Variants in GRM3 observed in about 807,000 individuals in gnomAD.
The protein encoded by GRM3 is glutamate metabotropic receptor 3.
Under a neutral mutation model 70.5 loss-of-function variants are expected in GRM3, and 26 were observed. That is an observed-to-expected ratio of 0.37 (90% CI 0.27 to 0.51). The LOEUF (loss-of-function observed/expected upper bound fraction) is 0.51. GRM3 is among the 20% of genes least tolerant of loss of function. The pLI is 0.93. For synonymous variants in GRM3, 443 were observed against 434.9 expected (o/e 1.02, Z -0.23); for missense variants, 859 against 1,123.8 (o/e 0.76, Z 3.37).
At chr7:86,661,570 G>A (rs113168586) in intron 1 of GRM3, among the ~76,000 whole-genome samples, 2,864 of 151,938 alleles carry the variant, frequency 0.019, 91 homozygotes, top group African/African-American at 0.065. Context: ...TAGACTTCAA[G>A]AATCACAACT....
chr7:86,810,240 C>T (rs1192868998), intron 3 of GRM3, among the ~76,000 whole-genome samples: 9 of 151,914 alleles, frequency 5.9e-5, no homozygotes, highest in Admixed American at 5.3e-4. Context: ...AAAATAGAAA[C>T]TTTCGTTCAA....
At chr7:86,769,609 A>T (rs1228914009) in intron 2 of GRM3, among the ~76,000 whole-genome samples, 1 of 152,078 alleles carries the variant, frequency 6.6e-6, no homozygotes, top group Admixed American at 6.6e-5. Context: ...AGCATAGGAG[A>T]TATGCCATGC....
intron 3 of GRM3, among the ~76,000 whole-genome samples, chr7:86,834,379 T>C (rs1798414080): frequency 2.6e-5 from 4 of 152,152 alleles, no homozygotes; most frequent in Admixed American, 6.5e-5. Context: ...TGGTCAAACT[T>C]TGAGATTTTT....
intron 3 of GRM3, among the ~76,000 whole-genome samples, chr7:86,833,652 C>T (rs535568309): frequency 5.9e-5 from 9 of 152,214 alleles, no homozygotes; most frequent in Admixed American, 1.3e-4. Flanking sequence ...CCATTGCGTT[C>T]GAAATAACCG....
intron 3 of GRM3, among the ~76,000 whole-genome samples, chr7:86,826,560 A>T (rs899606986): frequency 6.6e-6 from 1 of 152,202 alleles, no homozygotes; most frequent in Admixed American, 6.5e-5. Flanking sequence ...TATTCAAGGA[A>T]GTGTATAAGC....
intron 1 of GRM3, among the ~76,000 whole-genome samples, chr7:86,673,312 C>T (rs1370649234): frequency 1.3e-5 from 2 of 152,144 alleles, no homozygotes; most frequent in Non-Finnish European, 2.9e-5. Flanking sequence ...CCTCCTGTTA[C>T]TTCATCTGGA....
chr7:86,728,660 G>T (rs544273928), intron 1 of GRM3, among the ~76,000 whole-genome samples: 92 of 152,160 alleles, frequency 6.0e-4, no homozygotes, highest in African/African-American at 2.2e-3. Flanking sequence ...CTACCACTTT[G>T]GAGTACTCAG....
intron 2 of GRM3, among the ~76,000 whole-genome samples, chr7:86,767,697 C>T (rs55649100): frequency 0.04 from 6,062 of 151,718 alleles, 392 homozygotes; most frequent in African/African-American, 0.14. Flanking sequence ...TATATATATG[C>T]GCTTTTTCTC....
chr7:86,700,122 C>T (rs1002863126), intron 1 of GRM3, among the ~76,000 whole-genome samples: 1 of 151,920 alleles, frequency 6.6e-6, no homozygotes, highest in African/African-American at 2.4e-5. Flanking sequence ...TAACCAAGCT[C>T]ATGAAACTGA....
chr7:86,764,963 G>C, intron 1 of GRM3, 43 bp from the exon 2 acceptor site: 2 of 1,381,498 alleles, frequency 1.4e-6, no homozygotes, highest in Non-Finnish European at 1.9e-6. Flanking sequence ...AATCACTGTT[G>C]CTTTCTTTAC....
chr7:86,659,984 G>A (rs753467487), intron 1 of GRM3, among the ~76,000 whole-genome samples: 15 of 151,930 alleles, frequency 9.9e-5, no homozygotes, highest in Non-Finnish European at 1.8e-4. Flanking sequence ...TGATTGACAC[G>A]TTGGTGAAAA....
chr7:86,673,854 C>T (rs944034281), intron 1 of GRM3, among the ~76,000 whole-genome samples: 3 of 152,108 alleles, frequency 2.0e-5, no homozygotes, highest in Non-Finnish European at 4.4e-5. Flanking sequence ...CATACTTAAT[C>T]ATTCTCTAAG....
intron 1 of GRM3, among the ~76,000 whole-genome samples, chr7:86,761,237 T>C (rs1796473071): frequency 6.6e-6 from 1 of 152,168 alleles, no homozygotes; most frequent in South Asian, 2.1e-4. Flanking sequence ...TAAGTGAATG[T>C]GTCTCTGAGG....
chr7:86,735,170 G>C (rs1481080047), intron 1 of GRM3, among the ~76,000 whole-genome samples: 1 of 152,166 alleles, frequency 6.6e-6, no homozygotes, highest in Non-Finnish European at 1.5e-5. Flanking sequence ...GACTAGATGT[G>C]GTTAATGATG....
chr7:86,714,053 T>C (rs1211232188), intron 1 of GRM3, among the ~76,000 whole-genome samples: 1 of 151,918 alleles, frequency 6.6e-6, no homozygotes, highest in Admixed American at 6.6e-5. Context: ...CCTCCTTACA[T>C]CACACAAGAG....
At chr7:86,767,550 TATATATATAA>T (rs1320237056) in intron 2 of GRM3, among the ~76,000 whole-genome samples, 2 of 107,810 alleles carry the variant, frequency 1.9e-5, no homozygotes, top group Non-Finnish European at 3.8e-5. Flanking sequence ...TATATATATA[TATATATATAA>T]ATGAAGTATG....
intron 1 of GRM3, among the ~76,000 whole-genome samples, chr7:86,719,956 G>A (rs1047642998): frequency 3.3e-5 from 5 of 151,916 alleles, no homozygotes; most frequent in Non-Finnish European, 5.9e-5. Context: ...TAGATTACAA[G>A]GATAAAAGTA....
intron 3 of GRM3, among the ~76,000 whole-genome samples, chr7:86,816,932 G>T (rs1798028429): frequency 8.1e-6 from 1 of 123,952 alleles, no homozygotes; most frequent in Non-Finnish European, 1.6e-5. Context: ...ATCATTCAGG[G>T]AAAAGATGAA....
chr7:86,755,331 G>A (rs1306153721), intron 1 of GRM3, among the ~76,000 whole-genome samples: 1 of 152,098 alleles, frequency 6.6e-6, no homozygotes, highest in East Asian at 1.9e-4. Flanking sequence ...AGTCAATTCA[G>A]GTATGACATT....
Sources: allele counts gnomAD v4.1 joint callset (sites outside exome capture counted in the v4.1 genomes callset), GRCh38; gene constraint gnomAD v4.1.1; transcripts MANE v1.5; gene names NCBI Gene and HGNC (gene_info 2026-07-23, HGNC 2026-07-21).